EPHA1: variants seen among roughly 807,000 people sequenced by gnomAD.
EPHA1 encodes the protein ephrin type-A receptor 1.
In EPHA1, 92 loss-of-function variants were observed where a neutral mutation model predicts 110.1. The observed-to-expected ratio is 0.84, with a 90% CI of 0.71 to 0.99. The LOEUF is 0.99. Ranked by LOEUF, EPHA1 falls within the 50% of genes least tolerant of loss-of-function variation. The pLI, the probability that EPHA1 is intolerant of heterozygous loss-of-function variation, is 0.00. For synonymous variants in EPHA1, 500 were observed against 516.1 expected (o/e 0.97, Z 0.42); for missense variants, 1,204 against 1,285.4 (o/e 0.94, Z 0.97).
At position 143,396,498 on chromosome 7, in the gene EPHA1, C is replaced by T; in HGVS notation, c.1784G>A (p.Trp595Ter). The change falls in exon 11 of 18, where the codon TGG (tryptophan) becomes TAG (stop). Residue 595 changes from tryptophan to a stop codon, truncating the protein, a stop_gained. Transcript: ENST00000275815. LOFTEE classifies it high-confidence loss of function. ...CTGGAGGTCCACATAAGGCTTCAGC[C>T]ACAGCTTGTCCTCTATGGGCAGAAC... ...ATDVDREDKL[W>*]LKPYVDLQAY... 2 of 1,613,934 alleles carry T rather than the reference C, an allele frequency of 1.2e-6. No individual in the cohort carries two copies. Among genetic ancestry groups the T allele is most frequent in the Non-Finnish European group, 1.7e-6 (2 of 1,179,902 alleles).
At position 143,399,848 on chromosome 7, in the gene EPHA1, T is replaced by G. The variant is rs931862837; in HGVS notation, c.638A>C (p.Gln213Pro). 3 of 1,607,014 alleles carry G rather than the reference T, an allele frequency of 1.9e-6. No homozygotes were observed. The highest frequency in any genetic ancestry group is 2.5e-6 in the Non-Finnish European group (3 of 1,176,604). The part of the protein sequence containing the change: ...RCPETLNGLA[Q>P]FPDTLPGPAG... ...GGGGCCAGGCAGAGTGTCTGGGAATTGGGCCAAGCCATTCAGGGTCTCAGG... is the reference window on the plus strand; with the variant it reads ...GGGGCCAGGCAGAGTGTCTGGGAATGGGGCCAAGCCATTCAGGGTCTCAGG... Residue 213 changes from glutamine (Q) to proline (P), a missense_variant, in exon 4 of 18, where the codon CAA becomes CCA. Coordinates refer to ENST00000275815, the MANE Select transcript of EPHA1 (RefSeq NM_005232.5).
rs868336815 is a variant in EPHA1 at position 143,401,988 on chromosome 7, C to G, written c.151-383G>C. On this transcript the variant is annotated intron_variant, in intron 2 of 17. Coordinates refer to ENST00000275815, the MANE Select transcript of EPHA1 (RefSeq NM_005232.5). This position sits in a 1 kb window ranked among gnomAD's most constrained non-coding sequence, Gnocchi z 4.1. ...AGACAGGGTCTCGTTCTGTCTGCAGCGCAGTGGTATAATCAAAGCTCACTA... is the reference window on the plus strand; with the variant it reads ...AGACAGGGTCTCGTTCTGTCTGCAGGGCAGTGGTATAATCAAAGCTCACTA... Among the ~76,000 whole-genome samples the G allele has an allele frequency of 1.3e-5, 2 of 152,036 alleles. No individual in the cohort carries two copies. The highest frequency in any genetic ancestry group is 2.4e-5 in the African/African-American group (1 of 41,374).
At position 143,408,763 on chromosome 7, in the gene EPHA1, G is replaced by C. The variant is rs1805635582; in HGVS notation, c.43C>G (p.Leu15Val). Residue 15 changes from leucine (L) to valine (V), a missense_variant, in exon 1 of 18, where the codon CTC becomes GTC. Leu to Val is a conservative substitution (Grantham distance 32). Transcript: ENST00000275815. ...GCCCCCGGGGGCAGCGGGGCGCAGA[G>C]CAGCAGCACCAGCCCTAGCCCCAGG... ...WPLGLGLVLLLCAPLPPGARA... is the reference protein window; with the variant it reads ...WPLGLGLVLLVCAPLPPGARA... 3.5e-6 allele frequency: 4 copies of C among 1,143,650 alleles called. No individual in the cohort carries two copies. Among genetic ancestry groups the C allele is most frequent in the Non-Finnish European group, 4.4e-6 (4 of 909,242 alleles). The allele number at this position is 1,143,650 out of a possible 1,614,324, so 70.8% of individuals were successfully genotyped here.
At position 143,394,925 on chromosome 7, in the gene EPHA1, A is replaced by G. The variant is rs780951593; in HGVS notation, c.2235T>C (p.Tyr745=). Residue 745 remains tyrosine, a synonymous_variant, in exon 14 of 18, where the codon TAT becomes TAC. Transcript: ENST00000275815. Reference sequence around the variant, plus strand: ...TTCTGGCAGCCAGGTCCCGGTGGACATAATTGTGATTACTGAGGTAGTTCA... The same window carrying G: ...TTCTGGCAGCCAGGTCCCGGTGGACGTAATTGTGATTACTGAGGTAGTTCA... The part of the protein sequence containing the change: ...SGMNYLSNHN[Y]VHRDLAARNI... The G allele has an allele frequency of 6.2e-7, 1 of 1,614,154 alleles. No individual in the cohort carries two copies. The highest frequency in any genetic ancestry group is 1.1e-5 in the South Asian group (1 of 91,074).
In EPHA1 at chr7:143,394,859, G is replaced by C; in HGVS notation, c.2301C>G (p.Asp767Glu). 6.2e-7 allele frequency: 1 copy of C among 1,614,180 alleles called. No individual in the cohort carries two copies. Among genetic ancestry groups the C allele is most frequent in the Non-Finnish European group, 8.5e-7 (1 of 1,180,040 alleles). The change falls in exon 14 of 18, where the codon GAC becomes GAG. Residue 767 changes from aspartate to glutamate, a missense_variant. Transcript: ENST00000275815. ...VNQNLCCKVS[D>E]FGLTRLLDDF... ...CATCCAGGAGGCGAGTCAGGCCAAA[G>C]TCAGACACCTTGCAGCACAGGTTTT...
Position 143,395,329 on chromosome 7 carries a change from G to A in EPHA1, c.2073C>T (p.Val691=), listed in dbSNP as rs544450689. The A allele has an allele frequency of 1.2e-4, 198 of 1,614,140 alleles. No individual in the cohort carries two copies. The highest frequency in any genetic ancestry group is 4.9e-4 in the Middle Eastern group (3 of 6,062). ...GACCACTCATCGTACGCTTTGTGAC[G>A]ACGCCTTCCAGATGCAGAATATGCG... is the stretch of plus-strand genomic sequence containing the variant. The part of the protein sequence containing the change: ...SHPHILHLEG[V]VTKRKPIMII... The change falls in exon 12 of 18, where the codon GTC becomes GTT. Residue 691 remains valine, a synonymous_variant. Transcript: ENST00000275815. This position sits in a 1 kb window ranked among gnomAD's most constrained non-coding sequence, Gnocchi z 4.7.
Position 143,398,331 on chromosome 7 carries a change from A to T in EPHA1, c.1454T>A (p.Val485Glu), listed in dbSNP as rs1805316262. The change falls in exon 7 of 18, where the codon GTG becomes GAG. Residue 485 changes from valine (V) to glutamate (E), a missense_variant. Transcript: ENST00000275815. Reference sequence around the variant, plus strand: ...CAGTAGCATCCTGACCTGGTTCAGCACGTGCAGCTCATAGGTCAGGTTCGC... The same window carrying T: ...CAGTAGCATCCTGACCTGGTTCAGCTCGTGCAGCTCATAGGTCAGGTTCGC... Reference protein sequence around the residue: ...PGANLTYELHVLNQDEERYQM... With the variant: ...PGANLTYELHELNQDEERYQM... 1 of 1,614,046 alleles carries T rather than the reference A, an allele frequency of 6.2e-7. No individual in the cohort carries two copies. Among genetic ancestry groups the T allele is most frequent in the Non-Finnish European group, 8.5e-7 (1 of 1,179,974 alleles).
Position 143,395,067 on chromosome 7 carries a change from G to A in EPHA1, c.2146-53C>T. The A allele has an allele frequency of 6.2e-7, 1 of 1,613,766 alleles. No homozygotes were observed. Among genetic ancestry groups the A allele is most frequent in the Non-Finnish European group, 8.5e-7 (1 of 1,179,798 alleles). ...GGGATGGGCCAGGTCTCCTCCCAGT[G>A]CCCAGGGTACCATGGTGCATCCCCC... On this transcript the variant is annotated intron_variant, in intron 13 of 17. Coordinates refer to ENST00000275815, the MANE Select transcript of EPHA1 (RefSeq NM_005232.5). This position sits in a 1 kb window ranked among gnomAD's most constrained non-coding sequence, Gnocchi z 4.7.
chr7:143,395,945 A>G lies in EPHA1; in HGVS notation c.1897+440T>C. On this transcript the variant is annotated intron_variant, in intron 11 of 17. Coordinates refer to ENST00000275815, the MANE Select transcript of EPHA1 (RefSeq NM_005232.5). The surrounding 1 kb of genome is among the most constrained non-coding windows in gnomAD (Gnocchi z 4.7). ...AGGACACCACCAAGCTTTGTTCTCC[A>G]CTGAGATCCATTTCCTCTGGTGACC... Among the ~76,000 whole-genome samples, 1 of 152,156 alleles carries G rather than the reference A, an allele frequency of 6.6e-6. No homozygotes were observed. Among genetic ancestry groups the G allele is most frequent in the East Asian group, 1.9e-4 (1 of 5,192 alleles).
intron 2 of EPHA1, 74 bp downstream of exon 2, chr7:143,407,537 C>T: frequency 6.8e-7 from 1 of 1,471,822 alleles, no homozygotes; most frequent in Non-Finnish European, 9.4e-7. Context: ...CTCTGTTCCT[C>T]CACCCACCTC....
rs1440252878 is a variant in EPHA1, at chr7:143,398,631, T to C, written c.1306A>G (p.Thr436Ala). Residue 436 changes from threonine (T) to alanine (A), a missense_variant, in exon 6 of 18, where the codon ACC becomes GCC. Thr to Ala is a moderately conservative substitution (Grantham distance 58). Transcript: ENST00000275815. ...TGCCCCATGCTGATGCTGACTGAGG[T>C]GCTGGCATGGCCAGAGCTGCCCAGC... ...SGLGSSGHAS[T>A]SVSISMGHAE... 6.2e-7 allele frequency: 1 copy of C among 1,614,006 alleles called. No individual in the cohort carries two copies.
chr7:143,399,802 C>G lies in EPHA1; in HGVS notation c.684G>C (p.Ala228=). The G allele has an allele frequency of 6.2e-7, 1 of 1,611,832 alleles. No homozygotes were observed. The highest frequency in any genetic ancestry group is 8.5e-7 in the Non-Finnish European group (1 of 1,178,982). The change falls in exon 4 of 18, where the codon GCG becomes GCC. Residue 228 remains alanine (A), a synonymous_variant. Transcript: ENST00000275815. ...LPGPAGLVEV[A]GTCLPHARAS... ...CCCGCGCGTGGGGCAAGCAGGTCCC[C>G]GCCACTTCCACCAACCCAGCGGGGC... is the stretch of plus-strand genomic sequence containing the variant.
In EPHA1 at chr7:143,391,578, C is replaced by T. The variant is rs758736149; in HGVS notation, c.2852+42G>A. ...TGGGGGCATGAGTCCGGAGGCTCCACCCCCGCAGCCCTCCCCTGCCCAGAC... is the reference window on the plus strand; with the variant it reads ...TGGGGGCATGAGTCCGGAGGCTCCATCCCCGCAGCCCTCCCCTGCCCAGAC... On this transcript the variant is annotated intron_variant, in intron 17 of 17. Coordinates refer to ENST00000275815, the MANE Select transcript of EPHA1 (RefSeq NM_005232.5). 3.1e-6 allele frequency: 5 copies of T among 1,614,120 alleles called. No individual in the cohort carries two copies. In the African/African-American group the frequency reaches 4.0e-5, roughly 13 times the overall value.
chr7:143,404,285 T>C (rs770742242), intron 2 of EPHA1, among the ~76,000 whole-genome samples: 22 of 151,790 alleles, frequency 1.4e-4, no homozygotes, highest in African/African-American at 2.9e-4. Flanking sequence ...GGTGCGATCT[T>C]GGCTCACTGC....
Position 143,398,885 on chromosome 7 carries a change from C to A in EPHA1, c.1052G>T (p.Arg351Leu), listed in dbSNP as rs111641464. Residue 351 changes from arginine (R) to leucine (L), a missense_variant, in exon 6 of 18, where the codon CGT becomes CTT. Transcript: ENST00000275815. ...FSASGTQLSL[R>L]WEPPADTGGR... ...CCCCGTATCTGCTGGGGGTTCCCAA[C>A]GCAGGGAGAGCTGAGTCCCTGAGGC... 5.0e-6 allele frequency: 8 copies of A among 1,613,266 alleles called. No individual in the cohort carries two copies. Among genetic ancestry groups the A allele is most frequent in the African/African-American group, 4.0e-5 (3 of 74,900 alleles).
intron 16 of EPHA1, among the ~76,000 whole-genome samples, chr7:143,392,975 T>C (rs959688383): frequency 6.6e-6 from 1 of 152,014 alleles, no homozygotes; most frequent in African/African-American, 2.4e-5. Flanking sequence ...TCTGCACTCA[T>C]GGTAAAATCC....
Position 143,408,837 on chromosome 7 carries a change from G to T in EPHA1, c.-32C>A. 8.9e-7 allele frequency: 1 copy of T among 1,127,120 alleles called. No individual in the cohort carries two copies. The allele number at this position is 1,127,120 out of a possible 1,614,324, so 69.8% of individuals were successfully genotyped here. On this transcript the variant is annotated 5_prime_UTR_variant, in exon 1 of 18. Coordinates refer to ENST00000275815, the MANE Select transcript of EPHA1 (RefSeq NM_005232.5). ...GGGCCGGGACCTGGGACAGTGGCCC[G>T]GATGGCAGCGCCAGGTTGCAAGGGA...
At chr7:143,391,828 G>C in intron 16 of EPHA1, 53 bp from the exon 17 acceptor site, 1 of 1,593,540 alleles carries the variant, frequency 6.3e-7, no homozygotes, top group Non-Finnish European at 8.6e-7. Context: ...GATCTGGTTG[G>C]CCTTGGCCTC....
Position 143,395,484 on chromosome 7 carries a change from G to A in EPHA1, c.1918C>T (p.Arg640Ter), listed in dbSNP as rs112723648. 12 of 1,614,040 alleles carry A rather than the reference G, an allele frequency of 7.4e-6. No homozygotes were observed. Among genetic ancestry groups the A allele is most frequent in the Admixed American group, 1.7e-5 (1 of 60,002 alleles). Residue 640 changes from arginine to a stop codon, truncating the protein, a stop_gained, in exon 12 of 18, where the codon CGA becomes TGA. Transcript: ENST00000275815. LOFTEE classifies it high-confidence loss of function. This position sits in a 1 kb window ranked among gnomAD's most constrained non-coding sequence, Gnocchi z 4.7. ...IGEGEFGEVY[R>*]GTLRLPSQDC... ...TGGCTGGGGAGCCTCAGGGTCCCTC[G>A]ATACACTTCCCCAAACTCTCCTGGG...
Sources: allele counts gnomAD v4.1 joint callset (sites outside exome capture counted in the v4.1 genomes callset), GRCh38; gene constraint gnomAD v4.1.1; non-coding constraint Gnocchi (gnomAD v3.1); transcripts MANE v1.5; gene names NCBI Gene and HGNC (gene_info 2026-07-23, HGNC 2026-07-21).